TRABD2B: variants seen among roughly 807,000 people sequenced by gnomAD.
TRABD2B encodes TraB domain containing 2B.
In TRABD2B, 14 loss-of-function variants were observed where a neutral mutation model predicts 40.1. The observed-to-expected ratio is 0.35, with a 90% CI of 0.23 to 0.55. TRABD2B has a LOEUF of 0.55. TRABD2B is among the 20% of genes least tolerant of loss of function. TRABD2B has a pLI of 0.90. For synonymous variants in TRABD2B, 263 were observed against 277.0 expected, an observed-to-expected ratio of 0.95 and a Z score of 0.50; for missense variants, 541 against 648.6, an observed-to-expected ratio of 0.83 and a Z score of 1.80.
At chr1:47,874,280 A>T in intron 2 of TRABD2B, among the ~76,000 whole-genome samples, 1 of 50,080 alleles carries the variant, frequency 2.0e-5, no homozygotes, top group Admixed American at 2.9e-4. Context: ...TTTTTTTGAG[A>T]CGGAGTCTCG....
chr1:47,829,995 C>A lies in TRABD2B; in HGVS notation c.667-28376G>T, dbSNP rs939605632. Among the ~76,000 whole-genome samples, 33 of 151,918 alleles carry A rather than the reference C, an allele frequency of 2.2e-4. 1 individual carries two copies. The highest frequency in any genetic ancestry group is 7.7e-4 in the African/African-American group (32 of 41,420). ...AACTTTCTTCTCTCTTCCCTGCCAC[C>A]CCCCAAGCCTCTTCCATGACCCCCT... On this transcript the variant is annotated intron_variant, in intron 2 of 6. Coordinates refer to ENST00000606738, the MANE Select transcript of TRABD2B (RefSeq NM_001194986.2).
rs1644435037 is a variant in TRABD2B at position 47,775,609 on chromosome 1, C to T, written c.1080-170G>A. Among the ~76,000 whole-genome samples the T allele has an allele frequency of 2.6e-5, 4 of 152,224 alleles. No individual in the cohort carries two copies. In the South Asian group the frequency reaches 8.3e-4, roughly 31 times the overall value. On this transcript the variant is annotated intron_variant, in intron 5 of 6. Coordinates refer to ENST00000606738, the MANE Select transcript of TRABD2B (RefSeq NM_001194986.2). ...GGAAAACCTCGTCTGGTGCTGAAAG[C>T]CAGTGCTTTGAGTCATGCCTTCATT...
At chr1:47,990,353 G>A (rs1645982840) in intron 2 of TRABD2B, among the ~76,000 whole-genome samples, 1 of 152,174 alleles carries the variant, frequency 6.6e-6, no homozygotes, top group South Asian at 2.1e-4. Flanking sequence ...ACCAGTCCCT[G>A]GTGGCAGCAG....
intron 2 of TRABD2B, among the ~76,000 whole-genome samples, chr1:47,854,933 T>G (rs1377897361): frequency 6.6e-6 from 1 of 152,174 alleles, no homozygotes; most frequent in Non-Finnish European, 1.5e-5. Flanking sequence ...AGCTGTGTGA[T>G]GTAGGGCAAG....
chr1:47,760,930 C>G lies in TRABD2B; in HGVS notation c.*4972G>C, dbSNP rs2124385030. On this transcript the variant is annotated 3_prime_UTR_variant, in exon 7 of 7. Transcript: ENST00000606738. ...AGACTTGGATCCCGTTCAAAGCCCA[C>G]TTTCCCCACAGCAGGACTGGGATGA... The G allele has an allele frequency of 6.6e-6, 1 of 152,414 alleles. No homozygotes were observed. The highest frequency in any genetic ancestry group is 6.5e-5 in the Admixed American group (1 of 15,310). The allele number at this position is 152,414 out of a possible 1,614,324, so 9.4% of individuals were successfully genotyped here. A position where few individuals can be genotyped will look rare whatever the true frequency, so the allele number is the denominator to read the frequency against.
At chr1:47,861,815 G>A (rs1643977121) in intron 2 of TRABD2B, among the ~76,000 whole-genome samples, 1 of 152,146 alleles carries the variant, frequency 6.6e-6, no homozygotes, top group African/African-American at 2.4e-5. Flanking sequence ...TACAGGAAAA[G>A]AAGGTTACAG....
intron 4 of TRABD2B, 60 bp downstream of exon 4, chr1:47,794,526 G>T: frequency 6.8e-7 from 1 of 1,463,796 alleles, no homozygotes; most frequent in East Asian, 2.5e-5. Context: ...GAGGTTAGGG[G>T]AGAGCCAAGC....
At chr1:47,844,946 C>G (rs1328798768) in intron 2 of TRABD2B, among the ~76,000 whole-genome samples, 1 of 152,148 alleles carries the variant, frequency 6.6e-6, no homozygotes, top group Non-Finnish European at 1.5e-5. Flanking sequence ...AGAAGTACAC[C>G]TGGTCACATC....
chr1:47,798,609 G>T (rs969696198), intron 3 of TRABD2B, among the ~76,000 whole-genome samples: 5 of 152,200 alleles, frequency 3.3e-5, no homozygotes, highest in Non-Finnish European at 5.9e-5. Context: ...GCCTCCAGAT[G>T]TTGCTTCCTC....
intron 2 of TRABD2B, among the ~76,000 whole-genome samples, chr1:47,847,957 G>GA (rs1380935312): frequency 2.0e-5 from 3 of 152,180 alleles, no homozygotes; most frequent in Non-Finnish European, 4.4e-5. Context: ...GGGCGGGGCT[G>GA]ACGCCATAAA....
chr1:47,879,457 G>T (rs1557632222), intron 2 of TRABD2B, among the ~76,000 whole-genome samples: 1 of 152,142 alleles, frequency 6.6e-6, no homozygotes, highest in Admixed American at 6.5e-5. Context: ...GGAGCAATAG[G>T]CTATATCAGA....
chr1:47,923,764 G>A lies in TRABD2B; in HGVS notation c.666+70270C>T, dbSNP rs542336134. ...AAAGCCTGACCTCCCTCAAGGGAGAGGGAATTCTGCCAGCAGATAACCTTG... is the reference window on the plus strand; with the variant it reads ...AAAGCCTGACCTCCCTCAAGGGAGAAGGAATTCTGCCAGCAGATAACCTTG... On this transcript the variant is annotated intron_variant, in intron 2 of 6. Transcript: ENST00000606738. Among the ~76,000 whole-genome samples the A allele has an allele frequency of 7.6e-4, 115 of 152,224 alleles. 3 individuals carry two copies. In the South Asian group the frequency reaches 0.023, roughly 30 times the overall value.
intron 2 of TRABD2B, among the ~76,000 whole-genome samples, chr1:47,833,854 A>G (rs1266637044): frequency 6.6e-6 from 1 of 152,264 alleles, no homozygotes; most frequent in African/African-American, 2.4e-5. Flanking sequence ...GAACACAGAC[A>G]AAAATGGTCA....
At chr1:47,859,090 C>A (rs1489188231) in intron 2 of TRABD2B, among the ~76,000 whole-genome samples, 1 of 152,230 alleles carries the variant, frequency 6.6e-6, no homozygotes, top group East Asian at 1.9e-4. Context: ...TGGCAAGGAA[C>A]AGAGGGGTAC....
intron 2 of TRABD2B, among the ~76,000 whole-genome samples, chr1:47,972,770 C>T (rs1456416217): frequency 3.9e-5 from 6 of 152,082 alleles, no homozygotes; most frequent in Non-Finnish European, 8.8e-5. Context: ...TTTACCTTTC[C>T]AATCCTTTCT....
intron 2 of TRABD2B, among the ~76,000 whole-genome samples, chr1:47,908,955 G>C (rs538789245): frequency 3.9e-5 from 6 of 152,338 alleles, no homozygotes; most frequent in Admixed American, 1.3e-4. Flanking sequence ...GCTGACAAGG[G>C]CTGGACATCA....
At chr1:47,816,735 A>C (rs1645037310) in intron 2 of TRABD2B, among the ~76,000 whole-genome samples, 1 of 152,170 alleles carries the variant, frequency 6.6e-6, no homozygotes, top group Non-Finnish European at 1.5e-5. Flanking sequence ...GTCTTTATAT[A>C]CTTATGAGGT....
At chr1:47,828,724 C>G (rs531152197) in intron 2 of TRABD2B, among the ~76,000 whole-genome samples, 1 of 152,260 alleles carries the variant, frequency 6.6e-6, no homozygotes, top group East Asian at 1.9e-4. Context: ...TGTAGATGGA[C>G]TGAATTTAAC....
At chr1:47,991,853 G>A (rs1437662912) in intron 2 of TRABD2B, among the ~76,000 whole-genome samples, 2 of 152,122 alleles carry the variant, frequency 1.3e-5, no homozygotes, top group Admixed American at 6.5e-5. Flanking sequence ...AACTGTGCAC[G>A]CGTGCATGTA....
Sources: gnomAD v4.1 joint callset for allele counts (sites outside exome capture counted in the v4.1 genomes callset) on GRCh38, gnomAD v4.1.1 for gene constraint, MANE v1.5 for transcripts, NCBI Gene and HGNC (gene_info 2026-07-23, HGNC 2026-07-21) for gene names.